WDR72: variants seen among roughly 807,000 people sequenced by gnomAD.
WDR72 encodes the protein WD repeat-containing protein 72.
A neutral mutation model predicts 124.2 loss-of-function variants in WDR72; 120 were observed. That is an observed-to-expected ratio of 0.97 (90% CI 0.83 to 1.12). WDR72 has a LOEUF of 1.12. WDR72 is among the 50% of genes most tolerant of loss of function. The pLI, the probability that WDR72 is intolerant of heterozygous loss-of-function variation, is 0.00. For missense variants in WDR72, 1,387 were observed against 1,278.8 expected, an observed-to-expected ratio of 1.08 and a Z score of -1.29; for synonymous variants, 452 against 441.7, an observed-to-expected ratio of 1.02 and a Z score of -0.29.
chr15:53,711,980 T>C (rs1403611111), intron 7 of WDR72, among the ~76,000 whole-genome samples: 3 of 152,192 alleles, frequency 2.0e-5, no homozygotes, highest in African/African-American at 7.2e-5. Context: ...TAGCTTTTCT[T>C]TCTTCTTGGA....
chr15:53,754,048 T>C (rs533053037), intron 1 of WDR72, among the ~76,000 whole-genome samples: 45 of 152,254 alleles, frequency 3.0e-4, no homozygotes, highest in Non-Finnish European at 5.9e-4. Flanking sequence ...AGTCCACCTA[T>C]TTCTTTAAAG....
At chr15:53,704,914 C>T in intron 11 of WDR72, 74 bp downstream of exon 11, 1 of 1,552,238 alleles carries the variant, frequency 6.4e-7, no homozygotes, top group South Asian at 1.2e-5. Flanking sequence ...GCCTCTAAAT[C>T]TTGTTTAGTG....
intron 14 of WDR72, among the ~76,000 whole-genome samples, chr15:53,640,298 T>C (rs942802462): frequency 6.6e-6 from 1 of 152,180 alleles, no homozygotes; most frequent in African/African-American, 2.4e-5. Flanking sequence ...CTATAACAGA[T>C]TGCTTTCATC....
chr15:53,573,720 A>G (rs1410024355), intron 18 of WDR72, among the ~76,000 whole-genome samples: 2 of 152,034 alleles, frequency 1.3e-5, no homozygotes, highest in East Asian at 3.9e-4. Flanking sequence ...TAATTTTTGT[A>G]TTTTTAGCAG....
intron 18 of WDR72, among the ~76,000 whole-genome samples, chr15:53,562,357 A>G (rs905045404): frequency 2.6e-5 from 4 of 151,522 alleles, no homozygotes; most frequent in African/African-American, 9.7e-5. Flanking sequence ...TTTGGTTTGT[A>G]CTCTAGAATG....
chr15:53,746,649 G>A (rs574506589), intron 1 of WDR72, among the ~76,000 whole-genome samples: 8 of 152,196 alleles, frequency 5.3e-5, no homozygotes, highest in East Asian at 1.9e-4. Context: ...AAAACTCATA[G>A]GTACTGTGAG....
chr15:53,610,860 T>A (rs952504443), intron 16 of WDR72, among the ~76,000 whole-genome samples: 1 of 152,100 alleles, frequency 6.6e-6, no homozygotes, highest in Admixed American at 6.6e-5. Flanking sequence ...CTGTTTTTCC[T>A]CCCTCTCCCA....
chr15:53,758,884 G>C (rs7183766), intron 1 of WDR72, among the ~76,000 whole-genome samples: 1 of 151,566 alleles, frequency 6.6e-6, no homozygotes, highest in Non-Finnish European at 1.5e-5. Context: ...ATAATAAGTG[G>C]GGAAGATGGT....
At position 53,596,499 on chromosome 15, in the gene WDR72, G is replaced by A. The variant is rs750572523; in HGVS notation, c.3148+580C>T. 4.6e-4 allele frequency among the ~76,000 whole-genome samples: 70 copies of A among 152,178 alleles called. 1 individual carries two copies. The highest frequency in any genetic ancestry group is 3.4e-3 in the Middle Eastern group (1 of 294). ...AGTTTATTTTTTATATGATACTTCTGTTGCCCAGAAAAGGAAAACTGGTAC... is the reference window on the plus strand; with the variant it reads ...AGTTTATTTTTTATATGATACTTCTATTGCCCAGAAAAGGAAAACTGGTAC... On this transcript the variant is annotated intron_variant, in intron 18 of 19. Transcript: ENST00000360509.
chr15:53,602,332 G>C (rs893634049), intron 17 of WDR72, among the ~76,000 whole-genome samples: 2 of 151,886 alleles, frequency 1.3e-5, no homozygotes, highest in African/African-American at 2.4e-5. Flanking sequence ...ACAAAGCTAA[G>C]GTAGGGTTAA....
rs190477743 is a variant in WDR72, at chr15:53,731,229, C to A, written c.153+1768G>T. Among the ~76,000 whole-genome samples the A allele has an allele frequency of 9.2e-5, 14 of 152,182 alleles. No individual in the cohort carries two copies. In the East Asian group the frequency reaches 2.3e-3, roughly 25 times the overall value. On this transcript the variant is annotated intron_variant, in intron 2 of 19. Transcript: ENST00000360509. Reference sequence around the variant, plus strand: ...ACTTCTCCACGCCTAGGCCCGTCTTCCCCTCTGGCCTTACCTCTCTTTGAT... The same window carrying A: ...ACTTCTCCACGCCTAGGCCCGTCTTACCCTCTGGCCTTACCTCTCTTTGAT...
Position 53,705,204 on chromosome 15 carries a change from G to A in WDR72, c.1132C>T (p.Gln378Ter). 6.2e-7 allele frequency: 1 copy of A among 1,613,682 alleles called. No homozygotes were observed. Among genetic ancestry groups the A allele is most frequent in the Non-Finnish European group, 8.5e-7 (1 of 1,179,984 alleles). The change falls in exon 11 of 20, where the codon CAA becomes TAA. Residue 378 changes from glutamine (Q) to a stop codon, truncating the protein, a stop_gained. Transcript: ENST00000360509. LOFTEE classifies it high-confidence loss of function. ...GTATCATGCTTATCAAAATTATCTT[G>A]AAGAGTCCAGGTGGCAGTTACTGGT... Reference protein sequence around the residue: ...EIPVTATWTLQDNFDKHDTMS... With the variant: ...EIPVTATWTL
intron 18 of WDR72, among the ~76,000 whole-genome samples, chr15:53,574,711 TCA>T (rs1894687696): frequency 6.6e-6 from 1 of 152,170 alleles, no homozygotes; most frequent in Admixed American, 6.6e-5. Context: ...AGGAAATACT[TCA>T]GTTTTATGTA....
At chr15:53,668,361 C>T (rs1345095007) in intron 13 of WDR72, among the ~76,000 whole-genome samples, 1 of 152,096 alleles carries the variant, frequency 6.6e-6, no homozygotes, top group East Asian at 1.9e-4. Flanking sequence ...ATGTTCAAAG[C>T]AGTAAGTTAA....
At chr15:53,603,073 A>G (rs1160472338) in intron 17 of WDR72, among the ~76,000 whole-genome samples, 3 of 152,142 alleles carry the variant, frequency 2.0e-5, no homozygotes, top group East Asian at 3.8e-4. Context: ...ATGAACATCA[A>G]TGAAAATATC....
rs746410865 is a variant in WDR72, at chr15:53,615,660, C to T, written c.2546G>A (p.Cys849Tyr). ...ATAGTCTTTTATCATTCCACTATTGCATAAATCCCAACCTGGCAACATCAG... is the reference window on the plus strand; with the variant it reads ...ATAGTCTTTTATCATTCCACTATTGTATAAATCCCAACCTGGCAACATCAG... ...FSLMLPGWDL[C>Y]NSGMIKDYSG... Residue 849 changes from cysteine (C) to tyrosine (Y), a missense_variant, in exon 15 of 20, where the codon TGC (cysteine) becomes TAC (tyrosine). By Grantham distance (194) the Cys-to-Tyr change is radical. Transcript: ENST00000360509. The T allele has an allele frequency of 3.7e-6, 6 of 1,611,656 alleles. No homozygotes were observed. The African/African-American group carries it at 4.0e-5, about 11-fold the overall frequency.
chr15:53,695,373 G>A (rs2016971167), intron 13 of WDR72, among the ~76,000 whole-genome samples: 1 of 152,158 alleles, frequency 6.6e-6, no homozygotes, highest in African/African-American at 2.4e-5. Context: ...TTTATTTCTG[G>A]TATGTAATTT....
chr15:53,714,304 G>A, intron 6 of WDR72, 130 bp downstream of exon 6: 1 of 776,480 alleles, frequency 1.3e-6, no homozygotes, highest in Non-Finnish European at 2.2e-6. Context: ...GAAATATATG[G>A]AAGTAGAATT....
intron 14 of WDR72, among the ~76,000 whole-genome samples, chr15:53,646,375 C>G (rs1390836193): frequency 6.6e-6 from 1 of 151,990 alleles, no homozygotes; most frequent in Non-Finnish European, 1.5e-5. Flanking sequence ...AACTAAATTT[C>G]TGTGGTGCAG....
Sources: allele counts gnomAD v4.1 joint callset (sites outside exome capture counted in the v4.1 genomes callset), GRCh38; gene constraint gnomAD v4.1.1; transcripts MANE v1.5; gene names NCBI Gene and HGNC (gene_info 2026-07-23, HGNC 2026-07-21).